The following RIC3 variants were observed in gnomAD, a reference collection of about 807,000 sequenced individuals.
RIC3 encodes protein RIC-3.
A neutral mutation model predicts 27.3 loss-of-function variants in RIC3; 28 were observed. The observed-to-expected ratio is 1.02, with a 90% CI of 0.76 to 1.41. The LOEUF (loss-of-function observed/expected upper bound fraction) is 1.41. Among genes scored for constraint, RIC3 ranks in the 40% most tolerant of loss-of-function variants. RIC3 has a pLI of 0.00. For missense variants in RIC3, 501 were observed against 444.7 expected, an observed-to-expected ratio of 1.13 and a Z score of -1.14; for synonymous variants, 184 against 160.4, an observed-to-expected ratio of 1.15 and a Z score of -1.11.
intron 1 of RIC3, among the ~76,000 whole-genome samples, chr11:8,141,673 T>C (rs1213767999): frequency 3.3e-5 from 5 of 151,902 alleles, no homozygotes; most frequent in East Asian, 1.9e-4. Flanking sequence ...CTGCACCAAG[T>C]GGACCTAATA....
intron 1 of RIC3, among the ~76,000 whole-genome samples, chr11:8,163,068 C>A (rs1042406517): frequency 8.4e-5 from 11 of 131,488 alleles, no homozygotes; most frequent in African/African-American, 2.9e-4. Flanking sequence ...CACACACACA[C>A]CCCCCAAAAC....
chr11:8,133,534 G>C (rs1396923100), intron 4 of RIC3, among the ~76,000 whole-genome samples: 3 of 152,204 alleles, frequency 2.0e-5, no homozygotes, highest in Non-Finnish European at 4.4e-5. Context: ...TTGCTCCCCA[G>C]TTCCTAAGAG....
chr11:8,116,836 G>A (rs1285772615), intron 5 of RIC3, among the ~76,000 whole-genome samples: 4 of 152,186 alleles, frequency 2.6e-5, no homozygotes, highest in African/African-American at 9.7e-5. Context: ...AGTCACTATG[G>A]AAAACAGTAT....
rs1247540777 is a variant in RIC3 at position 8,110,851 on chromosome 11, A to C, written c.957T>G (p.Asn319Lys). 6.2e-7 allele frequency: 1 copy of C among 1,614,116 alleles called. No individual in the cohort carries two copies. The highest frequency in any genetic ancestry group is 1.1e-5 in the South Asian group (1 of 91,088). Reference protein sequence around the residue: ...EDEDPAVLAENAGFSADSYPE... With the variant: ...EDEDPAVLAEKAGFSADSYPE... ...GGTAGCTATCTGCACTGAATCCAGC[A>C]TTCTCTGCCAAGACAGCAGGATCCT... The change falls in exon 6 of 6, where the codon AAT (asparagine) becomes AAG (lysine). Residue 319 changes from asparagine to lysine, a missense_variant. Coordinates refer to ENST00000309737, the MANE Select transcript of RIC3 (RefSeq NM_001206671.4).
chr11:8,162,524 T>C (rs1167704559), intron 1 of RIC3, among the ~76,000 whole-genome samples: 2 of 150,794 alleles, frequency 1.3e-5, no homozygotes, highest in African/African-American at 2.4e-5. Flanking sequence ...TAAAACCCAA[T>C]CTCCTTAAGA....
chr11:8,144,797 T>C (rs1480766200), intron 1 of RIC3, among the ~76,000 whole-genome samples: 3 of 151,814 alleles, frequency 2.0e-5, no homozygotes, highest in East Asian at 1.9e-4. Flanking sequence ...CCAACAATGA[T>C]AGACTAGATT....
chr11:8,145,010 T>A (rs1165849503), intron 1 of RIC3, among the ~76,000 whole-genome samples: 1 of 101,308 alleles, frequency 9.9e-6, no homozygotes, highest in African/African-American at 4.0e-5. Context: ...AAGGGGAATA[T>A]CACACTCTGG....
chr11:8,133,852 T>C (rs1301353454), intron 4 of RIC3, among the ~76,000 whole-genome samples: 3 of 152,152 alleles, frequency 2.0e-5, no homozygotes, highest in African/African-American at 7.2e-5. Context: ...TAATTTGAGT[T>C]AAGGGAGTCT....
the RIC3 span, among the ~76,000 whole-genome samples, chr11:8,094,723 A>G: frequency 2.6e-5 from 4 of 152,354 alleles, no homozygotes; most frequent in South Asian, 8.3e-4. Context: ...GATTAAGGAC[A>G]GTGATTGGCG....
chr11:8,131,900 C>CAAAAA (rs796158730), intron 4 of RIC3, among the ~76,000 whole-genome samples: 8 of 26,188 alleles, frequency 3.1e-4, no homozygotes, highest in South Asian at 2.2e-3. Context: ...GACTCCATCT[C>CAAAAA]AAAAAAAAAA....
In RIC3 at chr11:8,108,714, C is replaced by A. The variant is rs952037555; in HGVS notation, c.*1984G>T. On this transcript the variant is annotated 3_prime_UTR_variant, in exon 6 of 6. Coordinates refer to ENST00000309737, the MANE Select transcript of RIC3 (RefSeq NM_001206671.4). The stretch of plus-strand genomic sequence containing the variant: ...GTTCATTTTATCTGTCAGGCTCTCT[C>A]TCGTCACACTGAGTTTTCTGAGGGT... The A allele has an allele frequency of 5.3e-5, 8 of 152,216 alleles. No individual in the cohort carries two copies. Among genetic ancestry groups the A allele is most frequent in the Non-Finnish European group, 8.8e-5 (6 of 68,058 alleles). 9.4% of individuals were successfully genotyped at this position (152,216 alleles called of 1,614,324 possible).
intron 1 of RIC3, among the ~76,000 whole-genome samples, chr11:8,167,432 G>A (rs1951795706): frequency 6.6e-6 from 1 of 152,012 alleles, no homozygotes; most frequent in Non-Finnish European, 1.5e-5. Flanking sequence ...TGATGAGAAG[G>A]GCACTGAGGG....
chr11:8,131,045 G>A (rs1947627414), intron 4 of RIC3, among the ~76,000 whole-genome samples: 1 of 152,096 alleles, frequency 6.6e-6, no homozygotes, highest in African/African-American at 2.4e-5. Flanking sequence ...ACCGAAAGGA[G>A]GCAAAATCAG....
Position 8,168,871 on chromosome 11 carries a change from G to T in RIC3, c.119C>A (p.Pro40His). The T allele has an allele frequency of 6.2e-7, 1 of 1,611,462 alleles. No homozygotes were observed. The highest frequency in any genetic ancestry group is 8.5e-7 in the Non-Finnish European group (1 of 1,178,798). Reference protein sequence around the residue: ...RGKRQEPPPTPEGKLGRFPPM... With the variant: ...RGKRQEPPPTHEGKLGRFPPM... ...GGGAGCTGGCCTGCTCTTACCTTCAGGTGTCGGCGGCGGCTCCTGCCGCTT... is the reference window on the plus strand; with the variant it reads ...GGGAGCTGGCCTGCTCTTACCTTCATGTGTCGGCGGCGGCTCCTGCCGCTT... The change falls in exon 1 of 6, where the codon CCT (proline) becomes CAT (histidine). Residue 40 changes from proline (P) to histidine (H), a missense_variant. Pro to His is a moderately conservative substitution (Grantham distance 77). Transcript: ENST00000309737.
chr11:8,100,181 G>C, the RIC3 span, among the ~76,000 whole-genome samples: 41 of 152,326 alleles, frequency 2.7e-4, no homozygotes, highest in Non-Finnish European at 7.4e-5. Flanking sequence ...ATAATTGGAA[G>C]GTGGAGCTGA....
At chr11:8,138,491 C>CAA (rs58292164) in intron 2 of RIC3, 144 bp from the exon 3 acceptor site, 18,656 of 302,362 alleles carry the variant, frequency 0.062, 400 homozygotes, top group Admixed American at 0.076. Context: ...AGAAATAGCT[C>CAA]AAAAAAAAAA....
the RIC3 span, chr11:8,100,786 C>T: frequency 6.2e-7 from 1 of 1,608,754 alleles, no homozygotes; most frequent in Non-Finnish European, 8.5e-7. Flanking sequence ...GTCATGGTGC[C>T]AAAGGCCTGG....
intron 4 of RIC3, among the ~76,000 whole-genome samples, chr11:8,134,959 G>A (rs557041757): frequency 5.3e-5 from 8 of 152,268 alleles, no homozygotes; most frequent in East Asian, 1.9e-4. Context: ...TCACTCTGAC[G>A]GTAGTTTCTT....
chr11:8,101,675 C>A, downstream of RIC3: 1 of 1,594,752 alleles, frequency 6.3e-7, no homozygotes, highest in African/African-American at 1.3e-5. Flanking sequence ...TGCCTGCCTG[C>A]CTGTGGAGAC....
Sources: gnomAD v4.1 joint callset for allele counts (sites outside exome capture counted in the v4.1 genomes callset) on GRCh38, gnomAD v4.1.1 for gene constraint, MANE v1.5 for transcripts, NCBI Gene and HGNC (gene_info 2026-07-23, HGNC 2026-07-21) for gene names.